MARCHF8: variants seen among roughly 807,000 people sequenced by gnomAD.
The protein encoded by MARCHF8 is E3 ubiquitin-protein ligase MARCHF8.
In MARCHF8, 40 loss-of-function variants were observed where a neutral mutation model predicts 51.6. The observed-to-expected ratio is 0.77, with a 90% CI of 0.60 to 1.01. The LOEUF (loss-of-function observed/expected upper bound fraction) is 1.01, where lower values mean the gene tolerates loss of function less well. Ranked by LOEUF, MARCHF8 falls within the 50% of genes least tolerant of loss-of-function variation. MARCHF8 has a pLI of 0.00. For missense variants in MARCHF8, 685 were observed against 708.6 expected (o/e 0.97, Z 0.38); for synonymous variants, 263 against 280.3 (o/e 0.94, Z 0.62).
chr10:45,464,156 A>G, intron 4 of MARCHF8, 83 bp downstream of exon 4: 4 of 1,571,758 alleles, frequency 2.5e-6, no homozygotes, highest in Non-Finnish European at 3.5e-6. Flanking sequence ...TGATTAAGCA[A>G]ATGGAAATTC....
chr10:45,544,415 T>C (rs1589165532), intron 1 of MARCHF8, among the ~76,000 whole-genome samples: 1 of 152,150 alleles, frequency 6.6e-6, no homozygotes, highest in East Asian at 1.9e-4. Context: ...CAAAGACACA[T>C]ACATGAATGT....
chr10:45,526,557 G>A (rs55665473), intron 2 of MARCHF8, among the ~76,000 whole-genome samples: 33,508 of 151,994 alleles, frequency 0.22, 3,973 homozygotes, highest in Admixed American at 0.29. Context: ...GAGGAGGCCA[G>A]GCACTTTTAC....
At chr10:45,546,262 G>A (rs1422244169) in intron 1 of MARCHF8, among the ~76,000 whole-genome samples, 1 of 151,918 alleles carries the variant, frequency 6.6e-6, no homozygotes, top group Non-Finnish European at 1.5e-5. Flanking sequence ...CCTGGTTCAA[G>A]CGATTGCGCT....
At chr10:45,479,748 C>T (rs545091212) in intron 3 of MARCHF8, among the ~76,000 whole-genome samples, 1 of 152,330 alleles carries the variant, frequency 6.6e-6, no homozygotes, top group East Asian at 1.9e-4. Flanking sequence ...GTCCATTAAA[C>T]CTCTTTTACT....
intron 1 of MARCHF8, among the ~76,000 whole-genome samples, chr10:45,576,772 TAAA>T (rs79524510): frequency 8.9e-6 from 1 of 112,432 alleles, no homozygotes; most frequent in Non-Finnish European, 1.9e-5. Flanking sequence ...AAATAAAAAT[TAAA>T]AAAAAAAAAA....
At position 45,457,539 on chromosome 10, in the gene MARCHF8, A is replaced by G. The variant is rs2132897275; in HGVS notation, c.*700T>C. 6.5e-6 allele frequency: 1 copy of G among 152,748 alleles called. No individual in the cohort carries two copies. The highest frequency in any genetic ancestry group is 2.1e-4 in the South Asian group (1 of 4,824). The allele number at this position is 152,748 out of a possible 1,614,324, so 9.5% of individuals were successfully genotyped here. A position where few individuals can be genotyped will look rare whatever the true frequency, so the allele number is the denominator to read the frequency against. ...ATATGTAAGGCAAAATGGATTTTTG[A>G]TCTCTCATGATGTAAAGGAGATACA... On this transcript the variant is annotated 3_prime_UTR_variant, in exon 8 of 8. Coordinates refer to ENST00000453424, the MANE Select transcript of MARCHF8 (RefSeq NM_001282866.2).
chr10:45,536,069 T>A, upstream of MARCHF8, among the ~76,000 whole-genome samples: 1 of 152,206 alleles, frequency 6.6e-6, no homozygotes, highest in East Asian at 1.9e-4. Context: ...TCTGAAAATT[T>A]ATATAAAATT....
chr10:45,457,132 T>G lies in MARCHF8; in HGVS notation c.*1107A>C, dbSNP rs567777731. ...TCTTGCATGCAAGGGAGAACCTGCA[T>G]GCAGTGCACACACCCCGGCCAGGGT... On this transcript the variant is annotated 3_prime_UTR_variant, in exon 8 of 8. Transcript: ENST00000453424. The G allele has an allele frequency of 6.6e-6, 1 of 152,288 alleles. No homozygotes were observed. Among genetic ancestry groups the G allele is most frequent in the Non-Finnish European group, 1.5e-5 (1 of 68,066 alleles). 9.4% of individuals were successfully genotyped at this position (152,288 alleles called of 1,614,324 possible).
chr10:45,474,164 T>G (rs2042744704), intron 3 of MARCHF8, among the ~76,000 whole-genome samples: 1 of 152,236 alleles, frequency 6.6e-6, no homozygotes. Context: ...AATCTCAATG[T>G]GTGCAATCCT....
chr10:45,551,281 T>TCAGAAGTCTGTCATTAAGAA (rs1426077686), intron 1 of MARCHF8, among the ~76,000 whole-genome samples: 1 of 152,206 alleles, frequency 6.6e-6, no homozygotes, highest in African/African-American at 2.4e-5. Context: ...TTATCATAAG[T>TCAGAAGTCTGTCATTAAGAA]CAGAAGTCTG....
intron 1 of MARCHF8, among the ~76,000 whole-genome samples, chr10:45,554,926 G>A (rs1035765480): frequency 3.9e-5 from 6 of 151,920 alleles, no homozygotes; most frequent in Non-Finnish European, 5.9e-5. Flanking sequence ...GTAGTGGTGC[G>A]CACCTGTTGT....
chr10:45,511,580 T>C (rs1487805636), intron 2 of MARCHF8, among the ~76,000 whole-genome samples: 2 of 151,582 alleles, frequency 1.3e-5, no homozygotes, highest in African/African-American at 4.9e-5. Context: ...ACTGGTTTTC[T>C]TACTTTTTTG....
rs1328756350 is a variant in MARCHF8 at position 45,463,901 on chromosome 10, C to T, written c.338G>A (p.Gly113Glu). The T allele has an allele frequency of 1.6e-5, 25 of 1,536,438 alleles. No homozygotes were observed. The highest frequency in any genetic ancestry group is 2.0e-5 in the Admixed American group (1 of 50,982). ...APHCQSSLTQ[G>E]LTVTVICKDT... is the part of the protein sequence containing the mutation. The stretch of plus-strand genomic sequence containing the variant: ...CTTACAGATAACTGTCACAGTGAGC[C>T]CTTGTGTCAGAGAACTCTGGCAGTG... The change falls in exon 5 of 8, where the codon GGG (glycine) becomes GAG (glutamate). Residue 113 changes from glycine to glutamate, a missense_variant. Physicochemically the swap from Gly to Glu is moderately conservative, Grantham distance 98 (BLOSUM62 -2). Coordinates refer to ENST00000453424, the MANE Select transcript of MARCHF8 (RefSeq NM_001282866.2).
chr10:45,511,609 T>C (rs2043507391), intron 2 of MARCHF8, among the ~76,000 whole-genome samples: 1 of 152,242 alleles, frequency 6.6e-6, no homozygotes, highest in African/African-American at 2.4e-5. Flanking sequence ...GGGGTTTCGC[T>C]GTGTTGGCCG....
chr10:45,470,671 C>A (rs963536884), intron 3 of MARCHF8, among the ~76,000 whole-genome samples: 2 of 152,144 alleles, frequency 1.3e-5, no homozygotes, highest in African/African-American at 4.8e-5. Flanking sequence ...TTTATTTGTG[C>A]TTCCTGCTCA....
chr10:45,578,333 T>C (rs775149888), intron 1 of MARCHF8, among the ~76,000 whole-genome samples: 4 of 152,160 alleles, frequency 2.6e-5, no homozygotes, highest in Non-Finnish European at 5.9e-5. Context: ...AGAAGCCAGT[T>C]TGAAAGAGTT....
At chr10:45,575,903 C>G (rs933883902) in intron 1 of MARCHF8, among the ~76,000 whole-genome samples, 1 of 152,166 alleles carries the variant, frequency 6.6e-6, no homozygotes, top group African/African-American at 2.4e-5. Context: ...CTTGTGACCC[C>G]CACCAAAGAA....
intron 1 of MARCHF8, among the ~76,000 whole-genome samples, chr10:45,557,421 G>A (rs1197952132): frequency 1.3e-5 from 2 of 151,958 alleles, no homozygotes; most frequent in East Asian, 1.9e-4. Context: ...GAGACACCAC[G>A]CCTGGCCCAA....
At position 45,458,616 on chromosome 10, in the gene MARCHF8, T is replaced by C. The variant is rs1842687376; in HGVS notation, c.1418-73A>G. 1.5e-5 allele frequency: 21 copies of C among 1,394,958 alleles called. No homozygotes were observed. The South Asian group carries it at 1.9e-4, about 13-fold the overall frequency. 86.4% of individuals were successfully genotyped at this position (1,394,958 alleles called of 1,614,324 possible). On this transcript the variant is annotated intron_variant, in intron 7 of 7. Coordinates refer to ENST00000453424, the MANE Select transcript of MARCHF8 (RefSeq NM_001282866.2). Reference sequence around the variant, plus strand: ...TAAAGAAAAACACAACTTCTGAACTTCCCATAATCAACTGATTCTTTGTTG... The same window carrying C: ...TAAAGAAAAACACAACTTCTGAACTCCCCATAATCAACTGATTCTTTGTTG...
Sources: allele counts gnomAD v4.1 joint callset (sites outside exome capture counted in the v4.1 genomes callset), GRCh38; gene constraint gnomAD v4.1.1; transcripts MANE v1.5; gene names NCBI Gene and HGNC (gene_info 2026-07-23, HGNC 2026-07-21).